The following GNAQ variants were observed in gnomAD, a reference collection of about 807,000 sequenced individuals.
GNAQ encodes G protein subunit alpha q, also known as guanine nucleotide-binding protein G(q) subunit alpha.
A neutral mutation model predicts 43.9 loss-of-function variants in GNAQ; 8 were observed. The observed-to-expected ratio is 0.18, with a 90% CI of 0.11 to 0.33. The LOEUF (loss-of-function observed/expected upper bound fraction) is 0.33, where lower values mean the gene tolerates loss of function less well. Among genes scored for constraint, GNAQ ranks in the 10% least tolerant of loss-of-function variants. The pLI, the probability that GNAQ is intolerant of heterozygous loss-of-function variation, is 1.00. For synonymous variants in GNAQ, 155 were observed against 170.7 expected, an observed-to-expected ratio of 0.91 and a Z score of 0.71; for missense variants, 158 against 450.8, an observed-to-expected ratio of 0.35 and a Z score of 5.88.
At chr9:77,892,178 C>A (rs567516735) in intron 2 of GNAQ, among the ~76,000 whole-genome samples, 2 of 152,182 alleles carry the variant, frequency 1.3e-5, no homozygotes, top group Non-Finnish European at 2.9e-5. Flanking sequence ...TTTGAGTCCA[C>A]TGAGCTCTTC....
At chr9:77,886,738 T>C (rs1828312601) in intron 2 of GNAQ, among the ~76,000 whole-genome samples, 2 of 152,098 alleles carry the variant, frequency 1.3e-5, no homozygotes, top group Admixed American at 1.3e-4. Context: ...AAAAAAACGC[T>C]GTAAAGAAAA....
At chr9:77,742,013 A>G (rs1825660015) in intron 5 of GNAQ, among the ~76,000 whole-genome samples, 1 of 152,166 alleles carries the variant, frequency 6.6e-6, no homozygotes, top group Non-Finnish European at 1.5e-5. Context: ...GACTTCAGTG[A>G]TTTATTTTGT....
chr9:77,859,218 G>A (rs913712066), intron 2 of GNAQ, among the ~76,000 whole-genome samples: 2 of 152,088 alleles, frequency 1.3e-5, no homozygotes, highest in African/African-American at 2.4e-5. Flanking sequence ...ATTCTATAAC[G>A]TAATTGTAAC....
At chr9:77,902,544 T>C (rs1828631492) in intron 2 of GNAQ, among the ~76,000 whole-genome samples, 2 of 152,164 alleles carry the variant, frequency 1.3e-5, no homozygotes, top group South Asian at 4.1e-4. Flanking sequence ...AATATTTAGT[T>C]TTAAAATACT....
chr9:77,862,035 G>A (rs976250614), intron 2 of GNAQ, among the ~76,000 whole-genome samples: 10 of 149,644 alleles, frequency 6.7e-5, no homozygotes, highest in Admixed American at 2.7e-4. Flanking sequence ...AAAAAAAGAG[G>A]TGGACTCCCA....
intron 5 of GNAQ, among the ~76,000 whole-genome samples, chr9:77,763,109 AAAAAAAAC>A: frequency 7.1e-6 from 1 of 140,692 alleles, no homozygotes; most frequent in East Asian, 2.0e-4. Flanking sequence ...AATAAAATTA[AAAAAAAAC>A]AAAAAAATAA....
At chr9:77,777,460 T>A (rs1413424063) in intron 5 of GNAQ, among the ~76,000 whole-genome samples, 1 of 152,020 alleles carries the variant, frequency 6.6e-6, no homozygotes, top group African/African-American at 2.4e-5. Flanking sequence ...ATATAACACC[T>A]AAAGCACAAG....
chr9:78,020,096 A>C (rs1430794199), intron 1 of GNAQ, among the ~76,000 whole-genome samples: 1 of 152,156 alleles, frequency 6.6e-6, no homozygotes, highest in East Asian at 1.9e-4. Context: ...TTTCTACATT[A>C]CATGCCTCCA....
intron 1 of GNAQ, among the ~76,000 whole-genome samples, chr9:77,983,209 T>G (rs1823390399): frequency 6.6e-6 from 1 of 152,162 alleles, no homozygotes; most frequent in Admixed American, 6.5e-5. Flanking sequence ...CAGTATGAAC[T>G]CGTGCATGGT....
At chr9:77,920,674 C>T (rs1025231873) in intron 2 of GNAQ, among the ~76,000 whole-genome samples, 5 of 152,246 alleles carry the variant, frequency 3.3e-5, no homozygotes, top group African/African-American at 1.2e-4. Flanking sequence ...TGTTCCTGGG[C>T]TCACAAACTT....
At chr9:77,748,122 CTCTA>C (rs529741902) in intron 5 of GNAQ, among the ~76,000 whole-genome samples, 1 of 152,138 alleles carries the variant, frequency 6.6e-6, no homozygotes, top group Non-Finnish European at 1.5e-5. Flanking sequence ...CCAGAGTCTC[CTCTA>C]TCTAACATTT....
intron 2 of GNAQ, among the ~76,000 whole-genome samples, chr9:77,888,005 C>T (rs541711508): frequency 2.0e-5 from 3 of 152,214 alleles, no homozygotes; most frequent in East Asian, 1.9e-4. Flanking sequence ...GAAGGGGGTA[C>T]GGGATGCCTA....
intron 1 of GNAQ, among the ~76,000 whole-genome samples, chr9:77,969,443 G>C (rs140419056): frequency 6.6e-6 from 1 of 152,074 alleles, no homozygotes; most frequent in African/African-American, 2.4e-5. Context: ...AGCCTGATGC[G>C]ACAGCCAATT....
intron 6 of GNAQ, among the ~76,000 whole-genome samples, chr9:77,728,119 C>G (rs530117733): frequency 6.6e-6 from 1 of 152,094 alleles, no homozygotes; most frequent in East Asian, 1.9e-4. Context: ...CTCAGCCTCC[C>G]GAGAAGCTGG....
At chr9:77,958,180 C>A (rs745718020) in intron 1 of GNAQ, among the ~76,000 whole-genome samples, 2 of 152,192 alleles carry the variant, frequency 1.3e-5, no homozygotes, top group Non-Finnish European at 2.9e-5. Context: ...TCTGGAATGG[C>A]GTAAATTATC....
chr9:78,019,896 C>T (rs1451072230), intron 1 of GNAQ, among the ~76,000 whole-genome samples: 1 of 144,314 alleles, frequency 6.9e-6, no homozygotes, highest in African/African-American at 2.6e-5. Flanking sequence ...TGCACTCCAG[C>T]CTGGGTGACA....
In GNAQ at chr9:77,815,500, A is replaced by G. The variant is rs550325816; in HGVS notation, c.476+116T>C. Reference sequence around the variant, plus strand: ...TCAATATCTATATTCCCTAACTTTTAAAGTTTTAATCATATATGACATATA... The same window carrying G: ...TCAATATCTATATTCCCTAACTTTTGAAGTTTTAATCATATATGACATATA... On this transcript the variant is annotated intron_variant, in intron 3 of 6. Coordinates refer to ENST00000286548, the MANE Select transcript of GNAQ (RefSeq NM_002072.5). The G allele has an allele frequency of 4.5e-5, 28 of 617,396 alleles. No individual in the cohort carries two copies. In the South Asian group the frequency reaches 5.2e-4, roughly 11 times the overall value. The allele number at this position is 617,396 out of a possible 1,614,324, so 38.2% of individuals were successfully genotyped here.
rs919945263 is a variant in GNAQ, at chr9:77,922,762, G to C, written c.137-417C>G. Among the ~76,000 whole-genome samples, 4 of 152,196 alleles carry C rather than the reference G, an allele frequency of 2.6e-5. No homozygotes were observed. The South Asian group carries it at 6.2e-4, about 24-fold the overall frequency. Reference sequence around the variant, plus strand: ...CCAGGATTTGGATCTGGAAATGACAGTGTACTTACACAAACGGTATTCAGA... The same window carrying C: ...CCAGGATTTGGATCTGGAAATGACACTGTACTTACACAAACGGTATTCAGA... On this transcript the variant is annotated intron_variant, in intron 1 of 6. Transcript: ENST00000286548.
At chr9:77,741,984 A>AT (rs1397854396) in intron 5 of GNAQ, among the ~76,000 whole-genome samples, 5 of 152,114 alleles carry the variant, frequency 3.3e-5, no homozygotes, top group Non-Finnish European at 7.4e-5. Flanking sequence ...CCTGTTACAT[A>AT]TTGTATATAT....
Sources: allele counts gnomAD v4.1 joint callset (sites outside exome capture counted in the v4.1 genomes callset), GRCh38; gene constraint gnomAD v4.1.1; transcripts MANE v1.5; gene names NCBI Gene and HGNC (gene_info 2026-07-23, HGNC 2026-07-21).